HSD17B14: variants seen among roughly 807,000 people sequenced by gnomAD.
HSD17B14 encodes hydroxysteroid 17-beta dehydrogenase 14.
A neutral mutation model predicts 32.2 loss-of-function variants in HSD17B14; 32 were observed. That is an observed-to-expected ratio of 0.99 (90% CI 0.75 to 1.33). HSD17B14 has a LOEUF of 1.33. HSD17B14 is among the 40% of genes most tolerant of loss of function. The pLI, the probability that HSD17B14 is intolerant of heterozygous loss-of-function variation, is 0.00. For missense variants in HSD17B14, 370 were observed against 366.5 expected (o/e 1.01, Z -0.08); for synonymous variants, 140 against 155.4 (o/e 0.90, Z 0.74).
At chr19:48,820,150 C>A (rs1305176640) in intron 5 of HSD17B14, among the ~76,000 whole-genome samples, 1 of 151,912 alleles carries the variant, frequency 6.6e-6, no homozygotes, top group East Asian at 1.9e-4. Context: ...CAGCAAGACC[C>A]GATCTCTAAC....
At chr19:48,834,439 G>C in intron 2 of HSD17B14, 81 bp from the exon 3 acceptor site, 2 of 825,828 alleles carry the variant, frequency 2.4e-6, no homozygotes, top group Non-Finnish European at 3.8e-6. Flanking sequence ...CTGGGTCTGA[G>C]GGAGGAGGTG....
At chr19:48,826,542 T>TATATATATATACACACACACACACACAC in intron 5 of HSD17B14, among the ~76,000 whole-genome samples, 7 of 80,108 alleles carry the variant, frequency 8.7e-5, no homozygotes, top group African/African-American at 3.1e-4. Flanking sequence ...TATATATATA[T>TATATATATATACACACACACACACACAC]ACACACACAC....
Position 48,836,345 on chromosome 19 carries a change from C to T in HSD17B14, c.67G>A (p.Ala23Thr). 6.2e-7 allele frequency: 1 copy of T among 1,613,992 alleles called. No individual in the cohort carries two copies. Among genetic ancestry groups the T allele is most frequent in the Non-Finnish European group, 8.5e-7 (1 of 1,179,980 alleles). The change falls in exon 1 of 9, where the codon GCT (alanine) becomes ACT (threonine). Residue 23 changes from alanine to threonine, a missense_variant. By Grantham distance (58) the Ala-to-Thr change is moderately conservative (BLOSUM62 0). Coordinates refer to ENST00000263278, the MANE Select transcript of HSD17B14 (RefSeq NM_016246.3). ...VVTGGGRGIGAGIVRAFVNSG... is the reference protein window; with the variant it reads ...VVTGGGRGIGTGIVRAFVNSG... Reference sequence around the variant, plus strand: ...TCACCGAAGGCGCGCACGATCCCAGCTCCGATGCCGCGCCCGCCCCCGGTC... The same window carrying T: ...TCACCGAAGGCGCGCACGATCCCAGTTCCGATGCCGCGCCCGCCCCCGGTC...
chr19:48,833,385 A>G (rs141185427), intron 3 of HSD17B14, among the ~76,000 whole-genome samples: 1 of 152,246 alleles, frequency 6.6e-6, no homozygotes, highest in Non-Finnish European at 1.5e-5. Context: ...CCCAGAAATA[A>G]TGGAGAAAAA....
Position 48,813,109 on chromosome 19 carries a change from T to G in HSD17B14, c.*66A>C, listed in dbSNP as rs1354566032. ...AGTCTAAGGGCTTGGGGGCTGCATC[T>G]GATACAGGTTGGAGTTTGGGGTGGG... On this transcript the variant is annotated 3_prime_UTR_variant, in exon 9 of 9. Coordinates refer to ENST00000263278, the MANE Select transcript of HSD17B14 (RefSeq NM_016246.3). 2 of 1,095,378 alleles carry G rather than the reference T, an allele frequency of 1.8e-6. No individual in the cohort carries two copies. The highest frequency in any genetic ancestry group is 2.6e-6 in the Non-Finnish European group (2 of 755,980). The allele number at this position is 1,095,378 out of a possible 1,614,324, so 67.9% of individuals were successfully genotyped here.
intron 5 of HSD17B14, among the ~76,000 whole-genome samples, chr19:48,827,061 G>C (rs1261040362): frequency 7.5e-6 from 1 of 133,724 alleles, no homozygotes; most frequent in Non-Finnish European, 1.6e-5. Flanking sequence ...TTTTTTTTTT[G>C]AGATGGAGTC....
chr19:48,832,865 T>G, intron 3 of HSD17B14, 133 bp from the exon 4 acceptor site: 3 of 711,178 alleles, frequency 4.2e-6, no homozygotes, highest in Non-Finnish European at 7.3e-6. Context: ...GCAACTCTCC[T>G]ACCTCAGCCT....
Position 48,831,950 on chromosome 19 carries a change from T to G in HSD17B14, c.278-191A>C, listed in dbSNP as rs1599842832. The stretch of plus-strand genomic sequence containing the variant: ...AAAATTAGCTGGGTGTGGTGGCGGG[T>G]GCCTATATTCCCAGCTACTCAGGAG... On this transcript the variant is annotated intron_variant, in intron 4 of 8. Coordinates refer to ENST00000263278, the MANE Select transcript of HSD17B14 (RefSeq NM_016246.3). 2.0e-5 allele frequency among the ~76,000 whole-genome samples: 3 copies of G among 149,890 alleles called. No individual in the cohort carries two copies. The South Asian group carries it at 6.4e-4, about 32-fold the overall frequency.
chr19:48,834,591 T>G (rs113231100), intron 2 of HSD17B14, among the ~76,000 whole-genome samples: 11 of 33,252 alleles, frequency 3.3e-4, no homozygotes, highest in Admixed American at 8.2e-4. Context: ...TCCGAGGAAG[T>G]AGGGCCTGGG....
At chr19:48,831,872 G>A (rs1274788308) in intron 4 of HSD17B14, 113 bp from the exon 5 acceptor site, 3 of 652,712 alleles carry the variant, frequency 4.6e-6, no homozygotes, top group Non-Finnish European at 8.3e-6. Flanking sequence ...GAGGTCAGGA[G>A]TTCAAGACCA....
intron 5 of HSD17B14, among the ~76,000 whole-genome samples, chr19:48,817,946 A>G (rs2035083768): frequency 6.6e-6 from 1 of 152,194 alleles, no homozygotes; most frequent in Admixed American, 6.5e-5. Context: ...ACCTGACAGC[A>G]CCAGCATTTG....
In HSD17B14 at chr19:48,836,433, C is replaced by T. The variant is rs1178164588; in HGVS notation, c.-22G>A. On this transcript the variant is annotated 5_prime_UTR_variant, in exon 1 of 9. Transcript: ENST00000263278. ...CCATCCCGTGTACGTCGGTCTCTCT[C>T]TCTCTCTACTCTGGGCCTCTTTCAC... 1.2e-5 allele frequency: 20 copies of T among 1,610,850 alleles called. No homozygotes were observed. Among genetic ancestry groups the T allele is most frequent in the Non-Finnish European group, 1.4e-5 (17 of 1,178,368 alleles).
intron 5 of HSD17B14, among the ~76,000 whole-genome samples, chr19:48,819,140 C>T (rs1163429293): frequency 6.6e-6 from 1 of 152,152 alleles, no homozygotes; most frequent in African/African-American, 2.4e-5. Context: ...GGGCGCCTAC[C>T]ACCACGCCTG....
At chr19:48,816,277 T>C (rs1159086436) in intron 5 of HSD17B14, among the ~76,000 whole-genome samples, 2 of 152,090 alleles carry the variant, frequency 1.3e-5, no homozygotes, top group South Asian at 2.1e-4. Flanking sequence ...CCTAGCAGGC[T>C]CTCCGAGTGG....
chr19:48,834,136 A>G (rs911729329), intron 3 of HSD17B14, 140 bp downstream of exon 3: 80 of 672,756 alleles, frequency 1.2e-4, no homozygotes, highest in Non-Finnish European at 1.9e-5. Context: ...GTGGAGTGAC[A>G]CTGGGTGGAA....
chr19:48,834,329 G>C lies in HSD17B14; in HGVS notation c.157C>G (p.Leu53Val). The C allele has an allele frequency of 6.2e-7, 1 of 1,613,996 alleles. No homozygotes were observed. The highest frequency in any genetic ancestry group is 8.5e-7 in the Non-Finnish European group (1 of 1,179,912). ...ESGGRALEQELPGAVFILCDV... is the reference protein window; with the variant it reads ...ESGGRALEQEVPGAVFILCDV... ...CAGAGGATAAAGACAGCTCCAGGGA[G>C]CTCCTGCTCCAGGGCCCGGCCCCCA... Residue 53 changes from leucine (L) to valine (V), a missense_variant, in exon 3 of 9, where the codon CTC becomes GTC. Transcript: ENST00000263278.
intron 5 of HSD17B14, among the ~76,000 whole-genome samples, chr19:48,816,904 C>T (rs2035066909): frequency 6.6e-6 from 1 of 151,088 alleles, no homozygotes; most frequent in African/African-American, 2.4e-5. Context: ...GGTGCAATCT[C>T]AGCTCATTGC....
chr19:48,826,542 T>TATATATACAC, intron 5 of HSD17B14, among the ~76,000 whole-genome samples: 74 of 80,110 alleles, frequency 9.2e-4, no homozygotes, highest in African/African-American at 3.3e-3. Flanking sequence ...TATATATATA[T>TATATATACAC]ACACACACAC....
Position 48,836,475 on chromosome 19 carries a change from G to A in HSD17B14, c.-64C>T, listed in dbSNP as rs2035520319. ...CTCTTTCACCTCCAAAGCCCCGTGAGGCCGTCGCATCAAATCCTCAATAGA... is the reference window on the plus strand; with the variant it reads ...CTCTTTCACCTCCAAAGCCCCGTGAAGCCGTCGCATCAAATCCTCAATAGA... On this transcript the variant is annotated 5_prime_UTR_variant, in exon 1 of 9. Transcript: ENST00000263278. The A allele has an allele frequency of 3.3e-6, 5 of 1,537,700 alleles. No individual in the cohort carries two copies. The South Asian group carries it at 4.5e-5, about 14-fold the overall frequency.
Sources: gnomAD v4.1 joint callset for allele counts (sites outside exome capture counted in the v4.1 genomes callset) on GRCh38, gnomAD v4.1.1 for gene constraint, MANE v1.5 for transcripts, NCBI Gene and HGNC (gene_info 2026-07-23, HGNC 2026-07-21) for gene names.